MYO3A: variants seen among roughly 807,000 people sequenced by gnomAD.
MYO3A encodes myosin-IIIa.
A neutral mutation model predicts 192.7 loss-of-function variants in MYO3A; 180 were observed. The ratio of observed to expected loss-of-function variants is 0.93; its 90% CI spans 0.83 to 1.06. The LOEUF (loss-of-function observed/expected upper bound fraction) is 1.06, where lower values mean the gene tolerates loss of function less well. Ranked by LOEUF, MYO3A falls within the 50% of genes least tolerant of loss-of-function variation. The pLI, the probability that MYO3A is intolerant of heterozygous loss-of-function variation, is 0.00. For missense variants in MYO3A, 1,896 were observed against 1,905.0 expected (o/e 1.00, Z 0.09); for synonymous variants, 628 against 645.3 (o/e 0.97, Z 0.41).
intron 10 of MYO3A, among the ~76,000 whole-genome samples, chr10:26,029,943 A>G (rs1054098715): frequency 2.6e-5 from 4 of 151,224 alleles, no homozygotes; most frequent in Admixed American, 2.0e-4. Flanking sequence ...TCTGGTTTCA[A>G]GATTCCCCAG....
chr10:26,033,728 G>C (rs1393731616), intron 10 of MYO3A, among the ~76,000 whole-genome samples: 1 of 152,152 alleles, frequency 6.6e-6, no homozygotes, highest in Non-Finnish European at 1.5e-5. Flanking sequence ...ATTATACAAA[G>C]TTTCAATCCC....
chr10:25,942,338 T>G (rs1328709125), intron 2 of MYO3A, among the ~76,000 whole-genome samples: 2 of 152,232 alleles, frequency 1.3e-5, no homozygotes, highest in Non-Finnish European at 2.9e-5. Flanking sequence ...CATTTTGTTA[T>G]CCATCTGTCA....
At chr10:26,120,906 T>G in intron 18 of MYO3A, 104 bp downstream of exon 18, 1 of 1,426,410 alleles carries the variant, frequency 7.0e-7, no homozygotes, top group Non-Finnish European at 9.7e-7. Context: ...TAACCTAGAA[T>G]CCTTAAAAGA....
chr10:26,085,460 C>T (rs1836249084), intron 14 of MYO3A, among the ~76,000 whole-genome samples: 1 of 152,142 alleles, frequency 6.6e-6, no homozygotes, highest in Non-Finnish European at 1.5e-5. Context: ...GTTTTCCTTG[C>T]TGTTTGTCTC....
chr10:26,041,001 C>T (rs185420325), intron 10 of MYO3A, among the ~76,000 whole-genome samples: 120 of 152,088 alleles, frequency 7.9e-4, no homozygotes, highest in African/African-American at 2.5e-3. Context: ...ATTTAAGTCT[C>T]CAGCTGTTAT....
At chr10:26,090,581 A>G (rs781613108) in intron 15 of MYO3A, among the ~76,000 whole-genome samples, 2 of 152,196 alleles carry the variant, frequency 1.3e-5, no homozygotes, top group Non-Finnish European at 2.9e-5. Context: ...TTCCATTTTT[A>G]TATCTGTTTT....
chr10:26,168,960 T>G, intron 28 of MYO3A, 86 bp downstream of exon 28: 1 of 1,363,526 alleles, frequency 7.3e-7, no homozygotes, highest in East Asian at 2.3e-5. Flanking sequence ...CTTGTGTAGC[T>G]TTTGTGTTTA....
chr10:25,969,526 G>A (rs1450752916), intron 4 of MYO3A, among the ~76,000 whole-genome samples: 2 of 152,086 alleles, frequency 1.3e-5, no homozygotes, highest in Admixed American at 1.3e-4. Flanking sequence ...ATAGTGATAA[G>A]TTAAAGATGC....
chr10:25,950,582 A>G (rs919671759), intron 2 of MYO3A, among the ~76,000 whole-genome samples: 1 of 152,172 alleles, frequency 6.6e-6, no homozygotes, highest in Non-Finnish European at 1.5e-5. Flanking sequence ...TGTGAAGAAG[A>G]TGTAGTATTT....
chr10:26,071,072 A>C (rs1835177797), intron 14 of MYO3A, among the ~76,000 whole-genome samples: 1 of 152,030 alleles, frequency 6.6e-6, no homozygotes, highest in African/African-American at 2.4e-5. Context: ...TATATATTGA[A>C]GGGCAAAGGA....
chr10:26,154,524 T>G (rs1471640625), intron 24 of MYO3A, among the ~76,000 whole-genome samples: 1 of 152,186 alleles, frequency 6.6e-6, no homozygotes, highest in African/African-American at 2.4e-5. Flanking sequence ...CAACTAAAAA[T>G]GTACTAGTGA....
chr10:26,156,990 G>A (rs929755695), intron 25 of MYO3A, among the ~76,000 whole-genome samples: 3 of 152,180 alleles, frequency 2.0e-5, no homozygotes, highest in African/African-American at 4.8e-5. Context: ...GTTAGCCTAA[G>A]AGTATATAAT....
At chr10:26,207,330 T>C (rs1237052254) in intron 34 of MYO3A, among the ~76,000 whole-genome samples, 1 of 152,196 alleles carries the variant, frequency 6.6e-6, no homozygotes, top group East Asian at 1.9e-4. Context: ...TTCTTTCTTT[T>C]CTTTTCTCTT....
At chr10:26,064,997 A>G (rs1418983744) in intron 10 of MYO3A, among the ~76,000 whole-genome samples, 2 of 152,226 alleles carry the variant, frequency 1.3e-5, no homozygotes, top group Non-Finnish European at 2.9e-5. Context: ...GTGAATGTAG[A>G]GAAGAAGATA....
chr10:26,188,817 T>C (rs535012125), intron 31 of MYO3A, among the ~76,000 whole-genome samples: 1 of 152,352 alleles, frequency 6.6e-6, no homozygotes, highest in African/African-American at 2.4e-5. Context: ...GCATTATTTC[T>C]GAGGGCTCTG....
chr10:26,002,626 G>GGAATGAGTCAGGGTGGACCAGA (rs1840904730), intron 6 of MYO3A, among the ~76,000 whole-genome samples: 1 of 131,714 alleles, frequency 7.6e-6, no homozygotes, highest in African/African-American at 3.6e-5. Flanking sequence ...GGTGGACCAG[G>GGAATGAGTCAGGGTGGACCAGA]TAATCGGAAT....
chr10:26,054,764 C>T lies in MYO3A; in HGVS notation c.954-12211C>T, dbSNP rs1844217329. 2.6e-5 allele frequency among the ~76,000 whole-genome samples: 4 copies of T among 152,190 alleles called. No homozygotes were observed. The South Asian group carries it at 8.3e-4, about 32-fold the overall frequency. Reference sequence around the variant, plus strand: ...TGCAGCCATGACCGAAGAATGCCTACAGCCTCCAGAAACTGGAAAAGGCAA... The same window carrying T: ...TGCAGCCATGACCGAAGAATGCCTATAGCCTCCAGAAACTGGAAAAGGCAA... On this transcript the variant is annotated intron_variant, in intron 10 of 34. Transcript: ENST00000642920.
chr10:26,105,079 A>G (rs1383226254), intron 17 of MYO3A, among the ~76,000 whole-genome samples: 1 of 152,132 alleles, frequency 6.6e-6, no homozygotes, highest in East Asian at 1.9e-4. Context: ...AATGTTCCAC[A>G]GTGTGTACTA....
chr10:25,984,858 A>G (rs1362993615), intron 4 of MYO3A, among the ~76,000 whole-genome samples: 1 of 152,228 alleles, frequency 6.6e-6, no homozygotes, highest in Non-Finnish European at 1.5e-5. Flanking sequence ...ACTGAACAAT[A>G]ATAGTGACAC....
Sources: gnomAD v4.1 joint callset for allele counts (sites outside exome capture counted in the v4.1 genomes callset) on GRCh38, gnomAD v4.1.1 for gene constraint, MANE v1.5 for transcripts, NCBI Gene and HGNC (gene_info 2026-07-23, HGNC 2026-07-21) for gene names.